The following LBR variants were observed in gnomAD, a reference collection of about 807,000 sequenced individuals.
LBR encodes the protein lamin B receptor.
A neutral mutation model predicts 74.3 loss-of-function variants in LBR; 28 were observed. The ratio of observed to expected loss-of-function variants is 0.38; its 90% CI spans 0.28 to 0.52. The LOEUF (loss-of-function observed/expected upper bound fraction) is 0.52. Ranked by LOEUF, LBR falls within the 20% of genes least tolerant of loss-of-function variation. The pLI, the probability that LBR is intolerant of heterozygous loss-of-function variation, is 0.89. For synonymous variants in LBR, 228 were observed against 269.3 expected (o/e 0.85, Z 1.50); for missense variants, 717 against 760.3 (o/e 0.94, Z 0.67).
chr1:225,408,682 A>C (rs1298720677), intron 10 of LBR, among the ~76,000 whole-genome samples: 3 of 152,258 alleles, frequency 2.0e-5, no homozygotes, highest in African/African-American at 4.8e-5. Context: ...ATCTTTCCTC[A>C]AGAAGCTTAT....
chr1:225,410,220 G>C, intron 10 of LBR, 71 bp downstream of exon 10: 1 of 1,606,492 alleles, frequency 6.2e-7, no homozygotes, highest in Non-Finnish European at 8.5e-7. Context: ...GCAAGAAGCC[G>C]AGGCTCTGAC....
Position 225,403,152 on chromosome 1 carries a change from C to A in LBR, c.*151G>T. On this transcript the variant is annotated 3_prime_UTR_variant, in exon 14 of 14. Transcript: ENST00000272163. The stretch of plus-strand genomic sequence containing the variant: ...AGTAAACACGGCTATATTAAAAGAT[C>A]AACTACTCGGCTCCATAGTCCTGAC... 1 of 664,134 alleles carries A rather than the reference C, an allele frequency of 1.5e-6. No homozygotes were observed. Among genetic ancestry groups the A allele is most frequent in the East Asian group, 2.7e-5 (1 of 37,274 alleles). The allele number at this position is 664,134 out of a possible 1,614,324, so 41.1% of individuals were successfully genotyped here.
chr1:225,425,848 G>GA (rs1349794533), intron 1 of LBR, among the ~76,000 whole-genome samples: 1 of 152,126 alleles, frequency 6.6e-6, no homozygotes, highest in Non-Finnish European at 1.5e-5. Flanking sequence ...ATAAACTTTT[G>GA]AAACACAAGC....
Position 225,418,373 on chromosome 1 carries a change from T to TA in LBR, c.641-194dup, listed in dbSNP as rs1461754008. 3.0e-4 allele frequency among the ~76,000 whole-genome samples: 45 copies of TA among 148,738 alleles called. 1 individual carries two copies. In the East Asian group the frequency reaches 3.5e-3, roughly 12 times the overall value. ...CTGGCAACCATGGGCATCAAAGTAGTAAAAAAAATAAATAAATAAAAATAA... is the reference window on the plus strand; with the variant it reads ...CTGGCAACCATGGGCATCAAAGTAGTAAAAAAAAATAAATAAATAAAAATAA... On this transcript the variant is annotated intron_variant, in intron 5 of 13. Coordinates refer to ENST00000272163, the MANE Select transcript of LBR (RefSeq NM_002296.4).
chr1:225,412,378 AT>A (rs2096107658), intron 8 of LBR, 75 bp downstream of exon 8: 3 of 1,332,560 alleles, frequency 2.3e-6, no homozygotes, highest in Non-Finnish European at 3.2e-6. Context: ...AAAAAAAGCA[AT>A]CTATTCAAAT....
rs139303044 is a variant in LBR at position 225,417,947 on chromosome 1, A to G, written c.837+37T>C. The G allele has an allele frequency of 1.3e-4, 204 of 1,589,944 alleles. No individual in the cohort carries two copies. In the East Asian group the frequency reaches 3.6e-3, roughly 28 times the overall value. On this transcript the variant is annotated intron_variant, in intron 6 of 13. Transcript: ENST00000272163. The stretch of plus-strand genomic sequence containing the variant: ...CGCCTGGACAATATAGTGAGACCTC[A>G]TCTTATTAAAACAAAACAGAATTAC...
At chr1:225,418,636 C>T (rs995800981) in intron 5 of LBR, among the ~76,000 whole-genome samples, 10 of 152,328 alleles carry the variant, frequency 6.6e-5, no homozygotes, top group African/African-American at 2.4e-4. Context: ...TGATGCTGGA[C>T]AGCATCTGTA....
At chr1:225,411,586 C>CG (rs2096105765) in intron 8 of LBR, 146 bp from the exon 9 acceptor site, 1 of 703,662 alleles carries the variant, frequency 1.4e-6, no homozygotes, top group Admixed American at 2.1e-5. Flanking sequence ...GCAGACAGGA[C>CG]GGCACAGACG....
At chr1:225,416,757 CT>C (rs1279323143) in intron 6 of LBR, among the ~76,000 whole-genome samples, 1 of 152,202 alleles carries the variant, frequency 6.6e-6, no homozygotes, top group Non-Finnish European at 1.5e-5. Flanking sequence ...GTACAGACTT[CT>C]TTTTCTTGTC....
At chr1:225,412,685 T>C (rs769130434) in intron 7 of LBR, 40 bp from the exon 8 acceptor site, 1 of 1,538,162 alleles carries the variant, frequency 6.5e-7, no homozygotes, top group South Asian at 1.2e-5. Flanking sequence ...AAATTAATAT[T>C]AACCCAAGGC....
intron 10 of LBR, among the ~76,000 whole-genome samples, chr1:225,409,226 G>A (rs1009771142): frequency 6.6e-6 from 1 of 152,338 alleles, no homozygotes; most frequent in South Asian, 2.1e-4. Context: ...TGAAGTGGTA[G>A]GAGCGCAACA....
intron 10 of LBR, among the ~76,000 whole-genome samples, chr1:225,409,397 G>A (rs955302634): frequency 6.6e-6 from 1 of 152,130 alleles, no homozygotes; most frequent in African/African-American, 2.4e-5. Context: ...TTGCATAGAA[G>A]GCCAAAATTA....
chr1:225,418,881 T>C (rs1247993765), intron 5 of LBR, among the ~76,000 whole-genome samples: 1 of 152,224 alleles, frequency 6.6e-6, no homozygotes, highest in Non-Finnish European at 1.5e-5. Context: ...TGAGGCCCAC[T>C]GCTGGCCCCT....
At chr1:225,413,910 C>A in intron 7 of LBR, 1 of 456,970 alleles carries the variant, frequency 2.2e-6, no homozygotes, top group South Asian at 1.5e-5. Flanking sequence ...GAATGTACCA[C>A]ACCCCTCAGA....
intron 10 of LBR, among the ~76,000 whole-genome samples, chr1:225,408,450 T>C (rs996545194): frequency 3.9e-5 from 6 of 152,202 alleles, no homozygotes; most frequent in East Asian, 1.9e-4. Flanking sequence ...CAATGCCGGG[T>C]AGGGGGAGGA....
intron 12 of LBR, 42 bp downstream of exon 12, chr1:225,404,584 C>T: frequency 7.0e-6 from 11 of 1,561,908 alleles, no homozygotes; most frequent in Non-Finnish European, 8.7e-6. Context: ...AAAATAAAAC[C>T]TTCATGTAAT....
At chr1:225,419,880 G>A in intron 3 of LBR, 82 bp from the exon 4 acceptor site, 1 of 997,426 alleles carries the variant, frequency 1.0e-6, no homozygotes, top group Non-Finnish European at 1.6e-6. Context: ...TTACTGTTTT[G>A]GAATCAAGCA....
intron 11 of LBR, chr1:225,406,449 A>C (rs1646506281): frequency 2.2e-6 from 1 of 451,228 alleles, no homozygotes. Flanking sequence ...AAGATGGTTT[A>C]AAATAATCTG....
Position 225,412,445 on chromosome 1 carries a change from A to G in LBR, c.1084+9T>C, listed in dbSNP as rs1478938062. 6.2e-7 allele frequency: 1 copy of G among 1,613,648 alleles called. No homozygotes were observed. Among genetic ancestry groups the G allele is most frequent in the Non-Finnish European group, 8.5e-7 (1 of 1,179,760 alleles). ...GCATTCATCCAACATGCAATTCATC[A>G]CTGCTCACCAGAGCTGGCAGGCGAC... On this transcript the variant is annotated intron_variant, in intron 8 of 13. Transcript: ENST00000272163.
Sources: allele counts gnomAD v4.1 joint callset (sites outside exome capture counted in the v4.1 genomes callset), GRCh38; gene constraint gnomAD v4.1.1; transcripts MANE v1.5; gene names NCBI Gene and HGNC (gene_info 2026-07-23, HGNC 2026-07-21).